The following POMC variants were observed in gnomAD, a reference collection of about 807,000 sequenced individuals.
POMC encodes pro-opiomelanocortin.
Under a neutral mutation model 18.5 loss-of-function variants are expected in POMC, and 19 were observed. The ratio of observed to expected loss-of-function variants is 1.03; its 90% CI spans 0.72 to 1.51. The LOEUF is 1.51. Among genes scored for constraint, POMC ranks in the 40% most tolerant of loss-of-function variants. POMC has a pLI of 0.00. For missense variants in POMC, 451 were observed against 379.0 expected, an observed-to-expected ratio of 1.19 and a Z score of -1.58; for synonymous variants, 179 against 161.9, an observed-to-expected ratio of 1.11 and a Z score of -0.80.
Position 25,161,746 on chromosome 2 carries a change from T to C in POMC, c.139A>G (p.Ile47Val), listed in dbSNP as rs771251109. 6.3e-7 allele frequency: 1 copy of C among 1,593,684 alleles called. No homozygotes were observed. The highest frequency in any genetic ancestry group is 8.5e-7 in the Non-Finnish European group (1 of 1,171,378). The change falls in exon 3 of 3, where the codon ATC becomes GTC. Residue 47 changes from isoleucine to valine, a missense_variant. By Grantham distance (29) the Ile-to-Val change is conservative. Coordinates refer to ENST00000395826, the MANE Select transcript of POMC (RefSeq NM_000939.4). The surrounding 1 kb of genome is among the most constrained non-coding windows in gnomAD (Gnocchi z 5.7). ...GAGAGGTCGGGCTTGCAGGCCCGGATGCACTCCTGGGGGAAGACGCGAGGG... is the reference window on the plus strand; with the variant it reads ...GAGAGGTCGGGCTTGCAGGCCCGGACGCACTCCTGGGGGAAGACGCGAGGG... ...LTTESNLLEC[I>V]RACKPDLSAE...
At position 25,164,707 on chromosome 2, in the gene POMC, C is replaced by T; in HGVS notation, c.66G>A (p.Met22Ile). ...TCTCCAGGCACCAGCCACGCACTTCCATGGAGGCCTGAAGCAGCAAGGCCA... is the reference window on the plus strand; with the variant it reads ...TCTCCAGGCACCAGCCACGCACTTCTATGGAGGCCTGAAGCAGCAAGGCCA... ...LLLALLLQAS[M>I]EVRGWCLESS... Residue 22 changes from methionine to isoleucine, a missense_variant, in exon 2 of 3, where the codon ATG (methionine) becomes ATA (isoleucine). Transcript: ENST00000395826. 1.2e-6 allele frequency: 2 copies of T among 1,614,220 alleles called. No individual in the cohort carries two copies. Among genetic ancestry groups the T allele is most frequent in the South Asian group, 2.2e-5 (2 of 91,082 alleles).
chr2:25,161,177 G>GCGCTTGTCCTTGGGCGGGCTGC lies in POMC; in HGVS notation c.686_707dup (p.Tyr237GlnfsTer85). 1 of 1,613,940 alleles carries GCGCTTGTCCTTGGGCGGGCTGC rather than the reference G, an allele frequency of 6.2e-7. No individual in the cohort carries two copies. The highest frequency in any genetic ancestry group is 8.5e-7 in the Non-Finnish European group (1 of 1,180,016). ...TCTCGGAGGTCATGAAACCGCCGTA[G>GCGCTTGTCCTTGGGCGGGCTGC]CGCTTGTCCTTGGGCGGGCTGCCCC... On this transcript the variant is annotated frameshift_variant, in exon 3 of 3. Coordinates refer to ENST00000395826, the MANE Select transcript of POMC (RefSeq NM_000939.4). LOFTEE classifies it high-confidence loss of function. The surrounding 1 kb of genome is among the most constrained non-coding windows in gnomAD (Gnocchi z 5.7).
chr2:25,161,696 T>A lies in POMC; in HGVS notation c.189A>T (p.Gly63=). 1 of 1,585,348 alleles carries A rather than the reference T, an allele frequency of 6.3e-7. No individual in the cohort carries two copies. Among genetic ancestry groups the A allele is most frequent in the Non-Finnish European group, 8.6e-7 (1 of 1,166,994 alleles). The change falls in exon 3 of 3, where the codon GGA becomes GGT. Residue 63 remains glycine, a synonymous_variant. Transcript: ENST00000395826. This position sits in a 1 kb window ranked among gnomAD's most constrained non-coding sequence, Gnocchi z 5.7. ...CGGTCAGAGGCTGCTCGTCGCCATT[T>A]CCCGGGAACATGGGAGTCTCGGCCG... ...DLSAETPMFP[G]NGDEQPLTEN...
rs1671347140 is a variant in POMC at position 25,161,256 on chromosome 2, A to G, written c.629T>C (p.Leu210Pro). The change falls in exon 3 of 3, where the codon CTG becomes CCG. Residue 210 changes from leucine to proline, a missense_variant. Leu to Pro is a moderately conservative substitution (Grantham distance 98). Transcript: ENST00000395826. The surrounding 1 kb of genome is among the most constrained non-coding windows in gnomAD (Gnocchi z 5.7). ...GAQADLEHSL[L>P]VAAEKKDEGP... ...CTCGTCCTTCTTCTCGGCCGCCACCAGCAGGCTGTGCTCCAGGTCGGCCTG... is the reference window on the plus strand; with the variant it reads ...CTCGTCCTTCTTCTCGGCCGCCACCGGCAGGCTGTGCTCCAGGTCGGCCTG... The G allele has an allele frequency of 1.9e-6, 3 of 1,611,850 alleles. No homozygotes were observed. The highest frequency in any genetic ancestry group is 2.5e-6 in the Non-Finnish European group (3 of 1,179,056).
At chr2:25,165,958 G>A (rs1025409812) in intron 1 of POMC, among the ~76,000 whole-genome samples, 9 of 152,366 alleles carry the variant, frequency 5.9e-5, no homozygotes, top group Admixed American at 5.2e-4. Context: ...AAGCGTGGAT[G>A]ACTAAGTGTC....
At position 25,164,531 on chromosome 2, in the gene POMC, G is replaced by A. The variant is rs371271950; in HGVS notation, c.132+110C>T. The A allele has an allele frequency of 9.9e-5, 153 of 1,542,430 alleles. 2 individuals are homozygous for A. In the African/African-American group the frequency reaches 1.1e-3, roughly 11 times the overall value. The stretch of plus-strand genomic sequence containing the variant: ...TTGCTCCTGCCCTGGATTGAATCAC[G>A]CCTATCACTGGGAATGAATTTCCCT... On this transcript the variant is annotated intron_variant, in intron 2 of 2. Coordinates refer to ENST00000395826, the MANE Select transcript of POMC (RefSeq NM_000939.4).
Position 25,161,770 on chromosome 2 carries a change from G to A in POMC, c.133-18C>T. ...ATGCACTCCTGGGGGAAGACGCGAG[G>A]GCATGAGGGCAGCCCGTGCCCCGCA... On this transcript the variant is annotated intron_variant, in intron 2 of 2. Transcript: ENST00000395826. This position sits in a 1 kb window ranked among gnomAD's most constrained non-coding sequence, Gnocchi z 5.7. 6.3e-7 allele frequency: 1 copy of A among 1,578,114 alleles called. No homozygotes were observed. The highest frequency in any genetic ancestry group is 8.6e-7 in the Non-Finnish European group (1 of 1,163,764).
intron 1 of POMC, among the ~76,000 whole-genome samples, chr2:25,167,581 A>G (rs1671598945): frequency 6.6e-6 from 1 of 152,130 alleles, no homozygotes; most frequent in Non-Finnish European, 1.5e-5. Context: ...TTTTAACCCC[A>G]GCTAGGTCTT....
chr2:25,163,712 C>G (rs1424493872), intron 2 of POMC, among the ~76,000 whole-genome samples: 1 of 152,210 alleles, frequency 6.6e-6, no homozygotes, highest in Non-Finnish European at 1.5e-5. Flanking sequence ...TCATAGCTTA[C>G]TGTGTCGTCA....
In POMC at chr2:25,161,479, T is replaced by G; in HGVS notation, c.406A>C (p.Lys136Gln). ...DGAKPGPREG[K>Q]RSYSMEHFRW... The stretch of plus-strand genomic sequence containing the variant: ...AAGTGCTCCATGGAGTAGGAGCGCT[T>G]GCCCTCGCGCGGGCCCGGCTTGGCA... The change falls in exon 3 of 3, where the codon AAG becomes CAG. Residue 136 changes from lysine (K) to glutamine (Q), a missense_variant. Transcript: ENST00000395826. The surrounding 1 kb of genome is among the most constrained non-coding windows in gnomAD (Gnocchi z 5.7). 2 of 1,607,792 alleles carry G rather than the reference T, an allele frequency of 1.2e-6. No individual in the cohort carries two copies. Among genetic ancestry groups the G allele is most frequent in the Non-Finnish European group, 1.7e-6 (2 of 1,178,070 alleles).
rs1383944356 is a variant in POMC, at chr2:25,161,205, CG to C, written c.679del (p.Arg227AlafsTer15). 2.5e-6 allele frequency: 4 copies of C among 1,613,440 alleles called. No homozygotes were observed. The highest frequency in any genetic ancestry group is 3.3e-5 in the Admixed American group (2 of 60,000). On this transcript the variant is annotated frameshift_variant, in exon 3 of 3. Coordinates refer to ENST00000395826, the MANE Select transcript of POMC (RefSeq NM_000939.4). LOFTEE classifies it high-confidence loss of function. The surrounding 1 kb of genome is among the most constrained non-coding windows in gnomAD (Gnocchi z 5.7). ...DEGPYRMEHFRWGSPPKDKRY... is the reference protein window; with the variant it reads ...DEGPYRMEHFXWGSPPKDKRY... Reference sequence around the variant, plus strand: ...CTTGTCCTTGGGCGGGCTGCCCCAGCGGAAGTGCTCCATCCTGTAGGGGCCC... The same window carrying C: ...CTTGTCCTTGGGCGGGCTGCCCCAGCGAAGTGCTCCATCCTGTAGGGGCCC...
In POMC at chr2:25,161,842, C is replaced by T. The variant is rs1671402652; in HGVS notation, c.133-90G>A. 1.4e-6 allele frequency: 2 copies of T among 1,465,994 alleles called. No homozygotes were observed. Among genetic ancestry groups the T allele is most frequent in the Non-Finnish European group, 1.8e-6 (2 of 1,114,492 alleles). 90.8% of individuals were successfully genotyped at this position (1,465,994 alleles called of 1,614,324 possible). On this transcript the variant is annotated intron_variant, in intron 2 of 2. Coordinates refer to ENST00000395826, the MANE Select transcript of POMC (RefSeq NM_000939.4). The surrounding 1 kb of genome is among the most constrained non-coding windows in gnomAD (Gnocchi z 5.7). ...CGTCACTGCGCCTAGGCCCTGGCCG[C>T]CCTCGCCACGTGCCGAGGACACAGG...
intron 2 of POMC, among the ~76,000 whole-genome samples, chr2:25,164,139 C>T (rs1240795614): frequency 6.7e-6 from 1 of 149,970 alleles, no homozygotes; most frequent in Admixed American, 6.6e-5. Context: ...ACATTTGGCA[C>T]CAATTAAAGA....
chr2:25,161,631 T>C lies in POMC; in HGVS notation c.254A>G (p.Asp85Gly), dbSNP rs1671385352. The C allele has an allele frequency of 1.3e-6, 2 of 1,552,244 alleles. No individual in the cohort carries two copies. Among genetic ancestry groups the C allele is most frequent in the South Asian group, 1.2e-5 (1 of 84,342 alleles). Reference protein sequence around the residue: ...RKYVMGHFRWDRFGRRNSSSS... With the variant: ...RKYVMGHFRWGRFGRRNSSSS... ...GCTGCTGTTGCGGCGGCCGAATCGG[T>C]CCCAGCGGAAGTGGCCCATGACGTA... is the stretch of plus-strand genomic sequence containing the variant. The change falls in exon 3 of 3, where the codon GAC becomes GGC. Residue 85 changes from aspartate to glycine, a missense_variant. Asp to Gly is a moderately conservative substitution (Grantham distance 94, BLOSUM62 -1). Coordinates refer to ENST00000395826, the MANE Select transcript of POMC (RefSeq NM_000939.4). The surrounding 1 kb of genome is among the most constrained non-coding windows in gnomAD (Gnocchi z 5.7).
At chr2:25,162,584 G>A (rs1425914553) in intron 2 of POMC, among the ~76,000 whole-genome samples, 1 of 152,046 alleles carries the variant, frequency 6.6e-6, no homozygotes, top group Non-Finnish European at 1.5e-5. Context: ...GGCTACTAGG[G>A]CCCATATTTT....
At chr2:25,166,373 A>C (rs1671554611) in intron 1 of POMC, among the ~76,000 whole-genome samples, 4 of 152,222 alleles carry the variant, frequency 2.6e-5, no homozygotes, top group African/African-American at 7.2e-5. Context: ...ATTCAAGTAC[A>C]CAGCCAGAAC....
chr2:25,161,980 T>G lies in POMC; in HGVS notation c.133-228A>C, dbSNP rs1035277737. Among the ~76,000 whole-genome samples the G allele has an allele frequency of 4.6e-5, 7 of 152,286 alleles. No individual in the cohort carries two copies. Among genetic ancestry groups the G allele is most frequent in the African/African-American group, 1.7e-4 (7 of 41,572 alleles). On this transcript the variant is annotated intron_variant, in intron 2 of 2. Transcript: ENST00000395826. The surrounding 1 kb of genome is among the most constrained non-coding windows in gnomAD (Gnocchi z 5.7). The stretch of plus-strand genomic sequence containing the variant: ...TCTTGCCACTGCCTCTTTTGTCCCA[T>G]CCCCTTCATGCTTCTGCCTGGCAAC...
chr2:25,162,961 T>A (rs1453505613), intron 2 of POMC, among the ~76,000 whole-genome samples: 2 of 151,696 alleles, frequency 1.3e-5, no homozygotes, highest in Non-Finnish European at 2.9e-5. Context: ...CATTGCACCG[T>A]CTGTGGAACC....
intron 2 of POMC, among the ~76,000 whole-genome samples, chr2:25,163,833 C>T (rs1379661104): frequency 6.6e-6 from 1 of 152,120 alleles, no homozygotes; most frequent in African/African-American, 2.4e-5. Flanking sequence ...CTATGTTGCC[C>T]AGGCTTGTCT....
Sources: allele counts gnomAD v4.1 joint callset (sites outside exome capture counted in the v4.1 genomes callset), GRCh38; gene constraint gnomAD v4.1.1; non-coding constraint Gnocchi (gnomAD v3.1); transcripts MANE v1.5; gene names NCBI Gene and HGNC (gene_info 2026-07-23, HGNC 2026-07-21).